Variants in EXT1 observed in about 807,000 individuals in gnomAD.
The protein encoded by EXT1 is exostosin glycosyltransferase 1, also known as exostosin-1.
Under a neutral mutation model 82.5 loss-of-function variants are expected in EXT1, and 20 were observed. The observed-to-expected ratio is 0.24, with a 90% CI of 0.17 to 0.35. The LOEUF (loss-of-function observed/expected upper bound fraction) is 0.35, where lower values mean the gene tolerates loss of function less well. Among genes scored for constraint, EXT1 ranks in the 10% least tolerant of loss-of-function variants. The pLI is 1.00. For missense variants in EXT1, 757 were observed against 936.5 expected (o/e 0.81, Z 2.50); for synonymous variants, 348 against 350.8 (o/e 0.99, Z 0.09).
chr8:117,927,545 G>A (rs941558101), intron 1 of EXT1, among the ~76,000 whole-genome samples: 2 of 152,126 alleles, frequency 1.3e-5, no homozygotes, highest in Non-Finnish European at 2.9e-5. Context: ...GTCCTTATCT[G>A]AAGGGATTCA....
At chr8:118,106,493 C>T (rs1049365118) in intron 1 of EXT1, among the ~76,000 whole-genome samples, 2 of 152,106 alleles carry the variant, frequency 1.3e-5, no homozygotes, top group East Asian at 3.9e-4. Flanking sequence ...CTTGAAGATA[C>T]CAGGATGGTG....
At chr8:118,011,111 TCACCATGAGA>T (rs1360614735) in intron 1 of EXT1, among the ~76,000 whole-genome samples, 4 of 152,186 alleles carry the variant, frequency 2.6e-5, no homozygotes, top group African/African-American at 7.2e-5. Context: ...AGCAGCCACT[TCACCATGAGA>T]AAGTGTTATA....
Position 117,885,446 on chromosome 8 carries a change from GA to G in EXT1, c.963-48246del, listed in dbSNP as rs540241204. On this transcript the variant is annotated intron_variant, in intron 1 of 10. Transcript: ENST00000378204. Reference sequence around the variant, plus strand: ...AACCGTACTGGCAGGGGAGGAGAAGGAAACCCTAAAATAGATTTTTTTTTCC... The same window carrying G: ...AACCGTACTGGCAGGGGAGGAGAAGGAACCCTAAAATAGATTTTTTTTTCC... Among the ~76,000 whole-genome samples the G allele has an allele frequency of 1.1e-3, 138 of 126,936 alleles. No individual in the cohort carries two copies. In the South Asian group the frequency reaches 0.012, roughly 11 times the overall value. The allele number at this position is 126,936 out of a possible 152,430, so 83.3% of individuals were successfully genotyped here. A position where few individuals can be genotyped will look rare whatever the true frequency, so the allele number is the denominator to read the frequency against.
intron 1 of EXT1, among the ~76,000 whole-genome samples, chr8:118,097,176 C>T (rs532785981): frequency 2.6e-5 from 4 of 152,180 alleles, no homozygotes; most frequent in South Asian, 2.1e-4. Context: ...CTGGGTGCAG[C>T]GGCTCACGCC....
intron 1 of EXT1, among the ~76,000 whole-genome samples, chr8:117,957,647 T>C (rs906626716): frequency 1.3e-5 from 2 of 152,202 alleles, no homozygotes; most frequent in Non-Finnish European, 2.9e-5. Flanking sequence ...AAGTGCGTTT[T>C]TAAAACAGTA....
chr8:117,799,110 T>C lies in EXT1; in HGVS notation c.*602A>G, dbSNP rs149676910. 1.3e-5 allele frequency: 2 copies of C among 153,352 alleles called. No individual in the cohort carries two copies. The highest frequency in any genetic ancestry group is 3.8e-4 in the East Asian group (2 of 5,258). 9.5% of individuals were successfully genotyped at this position (153,352 alleles called of 1,614,324 possible). ...CTACCTGGAAGTCGTAATACTTTCTTTCATGCAGCGACATTTTAGAGATAA... is the reference window on the plus strand; with the variant it reads ...CTACCTGGAAGTCGTAATACTTTCTCTCATGCAGCGACATTTTAGAGATAA... On this transcript the variant is annotated 3_prime_UTR_variant, in exon 11 of 11. Transcript: ENST00000378204.
intron 10 of EXT1, among the ~76,000 whole-genome samples, chr8:117,800,924 G>A (rs1823157581): frequency 6.6e-6 from 1 of 152,204 alleles, no homozygotes; most frequent in Non-Finnish European, 1.5e-5. Context: ...CTGTTTTTAT[G>A]AAACATGGAA....
At chr8:118,096,745 A>G (rs1178089166) in intron 1 of EXT1, among the ~76,000 whole-genome samples, 7 of 152,104 alleles carry the variant, frequency 4.6e-5, no homozygotes, top group Admixed American at 2.6e-4. Flanking sequence ...TACCTTGGGG[A>G]AAAAAAGGTT....
At chr8:118,081,418 A>T (rs17477168) in intron 1 of EXT1, among the ~76,000 whole-genome samples, 2,566 of 152,336 alleles carry the variant, frequency 0.017, 75 homozygotes, top group African/African-American at 0.058. Flanking sequence ...CTATGCATAG[A>T]TAACTGCTTC....
At chr8:117,965,524 T>C (rs1031819301) in intron 1 of EXT1, among the ~76,000 whole-genome samples, 5 of 152,200 alleles carry the variant, frequency 3.3e-5, no homozygotes, top group Admixed American at 2.6e-4. Context: ...TTAAATAGTT[T>C]CAAGGTTTGC....
chr8:118,064,129 A>C lies in EXT1; in HGVS notation c.962+45956T>G, dbSNP rs548025606. Among the ~76,000 whole-genome samples the C allele has an allele frequency of 4.6e-5, 7 of 152,230 alleles. No individual in the cohort carries two copies. In the East Asian group the frequency reaches 1.4e-3, roughly 29 times the overall value. ...TCCATCCGCCTCGGCCTCTGAAAGT[A>C]CTGGGATTACAGGCGTGAGCCACCG... On this transcript the variant is annotated intron_variant, in intron 1 of 10. Coordinates refer to ENST00000378204, the MANE Select transcript of EXT1 (RefSeq NM_000127.3).
At chr8:117,937,293 A>G (rs1814183709) in intron 1 of EXT1, among the ~76,000 whole-genome samples, 1 of 152,214 alleles carries the variant, frequency 6.6e-6, no homozygotes. Context: ...AGTGTAGGTA[A>G]TGGAAGTTCA....
intron 3 of EXT1, among the ~76,000 whole-genome samples, chr8:117,830,864 C>T (rs2129773920): frequency 6.6e-6 from 1 of 152,302 alleles, no homozygotes. Flanking sequence ...CACATACCTT[C>T]TACCTCACCT....
chr8:117,811,814 C>A (rs932473766), intron 8 of EXT1, among the ~76,000 whole-genome samples: 2 of 152,128 alleles, frequency 1.3e-5, no homozygotes, highest in Admixed American at 6.5e-5. Context: ...TAAGGTTTCA[C>A]CATATTGGCC....
At chr8:117,991,614 C>T (rs572299578) in intron 1 of EXT1, among the ~76,000 whole-genome samples, 185 of 151,934 alleles carry the variant, frequency 1.2e-3, no homozygotes, top group African/African-American at 4.3e-3. Context: ...TAGGCTGGAG[C>T]GCAGTGGCAT....
At chr8:117,922,438 T>A (rs556862913) in intron 1 of EXT1, among the ~76,000 whole-genome samples, 21 of 152,042 alleles carry the variant, frequency 1.4e-4, no homozygotes, top group Admixed American at 1.2e-3. Context: ...GTTACTAGAG[T>A]AGGTTGGTAG....
intron 1 of EXT1, among the ~76,000 whole-genome samples, chr8:117,962,768 C>G (rs1365892780): frequency 2.1e-4 from 31 of 146,206 alleles, no homozygotes; most frequent in South Asian, 1.9e-3. Context: ...ACCCCCCACC[C>G]CCAAAAAAAA....
At chr8:117,863,073 A>G (rs577983036) in intron 1 of EXT1, among the ~76,000 whole-genome samples, 2 of 152,290 alleles carry the variant, frequency 1.3e-5, no homozygotes, top group African/African-American at 2.4e-5. Flanking sequence ...TTTGATGCAT[A>G]CTCATGTACT....
At chr8:117,969,870 T>C (rs1164537694) in intron 1 of EXT1, among the ~76,000 whole-genome samples, 1 of 152,230 alleles carries the variant, frequency 6.6e-6, no homozygotes, top group Non-Finnish European at 1.5e-5. Context: ...ACTCATCTTT[T>C]ATATTGAACG....
Sources: allele counts gnomAD v4.1 joint callset (sites outside exome capture counted in the v4.1 genomes callset), GRCh38; gene constraint gnomAD v4.1.1; transcripts MANE v1.5; gene names NCBI Gene and HGNC (gene_info 2026-07-23, HGNC 2026-07-21).